The following KCNK10 variants were observed in gnomAD, a reference collection of about 807,000 sequenced individuals.
The protein encoded by KCNK10 is potassium channel subfamily K member 10.
KCNK10 carries 25 observed loss-of-function variants against 47.7 expected under a neutral mutation model. The ratio of observed to expected loss-of-function variants is 0.52; its 90% CI spans 0.38 to 0.73. The LOEUF (loss-of-function observed/expected upper bound fraction) is 0.73. Ranked by LOEUF, KCNK10 falls within the 30% of genes least tolerant of loss-of-function variation. The probability of loss-of-function intolerance (pLI) is 0.00; values close to 1 mark genes in which losing one functional copy is unlikely to be tolerated. For missense variants in KCNK10, 563 were observed against 714.5 expected, an observed-to-expected ratio of 0.79 and a Z score of 2.42; for synonymous variants, 303 against 285.6, an observed-to-expected ratio of 1.06 and a Z score of -0.61.
intron 1 of KCNK10, among the ~76,000 whole-genome samples, chr14:88,317,163 T>C (rs1888444393): frequency 6.6e-6 from 1 of 152,202 alleles, no homozygotes; most frequent in African/African-American, 2.4e-5. Flanking sequence ...TGTGGTGATT[T>C]TGGCACATTT....
intron 3 of KCNK10, among the ~76,000 whole-genome samples, chr14:88,235,992 A>T (rs149099325): frequency 6.6e-6 from 1 of 152,226 alleles, no homozygotes; most frequent in African/African-American, 2.4e-5. Flanking sequence ...ACTGGGAAAC[A>T]GAAGAGCAAC....
At chr14:88,246,264 GAAAAAAAAAAAA>G (rs35102974) in intron 2 of KCNK10, among the ~76,000 whole-genome samples, 1 of 55,338 alleles carries the variant, frequency 1.8e-5, no homozygotes, top group African/African-American at 7.7e-5. Flanking sequence ...CTCCGTCTCA[GAAAAAAAAAAAA>G]AAAAAAAAAA....
At chr14:88,252,586 G>T (rs1260154315) in intron 2 of KCNK10, among the ~76,000 whole-genome samples, 1 of 152,164 alleles carries the variant, frequency 6.6e-6, no homozygotes, top group Admixed American at 6.5e-5. Flanking sequence ...CTCATCTGCA[G>T]AATAGCAGCT....
upstream of KCNK10, among the ~76,000 whole-genome samples, chr14:88,324,636 T>G (rs1214445377): frequency 6.6e-6 from 1 of 152,114 alleles, no homozygotes; most frequent in Non-Finnish European, 1.5e-5. Flanking sequence ...TGCCATAAGG[T>G]CCTGTTAGAT....
rs1255773967 is a variant in KCNK10 at position 88,258,290 on chromosome 14, CTT to C, written c.402+4910_402+4911del. ...GGTGAGTAACTTGCTTATGGTGAGT[CTT>C]TTTTTTTTTTTTTTTCGAGATGGAG... is the stretch of plus-strand genomic sequence containing the variant. On this transcript the variant is annotated intron_variant, in intron 2 of 6. Transcript: ENST00000319231. Among the ~76,000 whole-genome samples the C allele has an allele frequency of 1.4e-4, 19 of 136,230 alleles. 1 individual carries two copies. The highest frequency in any genetic ancestry group is 2.4e-4 in the African/African-American group (9 of 37,180). 89.4% of individuals were successfully genotyped at this position (136,230 alleles called of 152,430 possible). A position where few individuals can be genotyped will look rare whatever the true frequency, so the allele number is the denominator to read the frequency against.
At chr14:88,300,190 C>T (rs1331032294) in intron 1 of KCNK10, among the ~76,000 whole-genome samples, 1 of 152,168 alleles carries the variant, frequency 6.6e-6, no homozygotes, top group Non-Finnish European at 1.5e-5. Flanking sequence ...ACCATCTTAC[C>T]AGTGCTTAAA....
chr14:88,262,443 AC>A (rs1377932970), intron 2 of KCNK10, among the ~76,000 whole-genome samples: 5 of 151,980 alleles, frequency 3.3e-5, no homozygotes, highest in Non-Finnish European at 7.4e-5. Flanking sequence ...AGTCCCTCGC[AC>A]CGCAGCCCCA....
At chr14:88,318,138 T>A (rs945625637) in intron 1 of KCNK10, among the ~76,000 whole-genome samples, 1 of 152,220 alleles carries the variant, frequency 6.6e-6, no homozygotes, top group Admixed American at 6.5e-5. Flanking sequence ...AATATCAGCG[T>A]CCTTTCTGAT....
chr14:88,273,781 C>T (rs73328081), intron 1 of KCNK10, among the ~76,000 whole-genome samples: 6,439 of 152,232 alleles, frequency 0.042, 437 homozygotes, highest in African/African-American at 0.15. Context: ...TTCCAAAATG[C>T]TTCCTGAATA....
intron 2 of KCNK10, among the ~76,000 whole-genome samples, chr14:88,261,523 C>T (rs578075375): frequency 2.0e-4 from 31 of 152,218 alleles, no homozygotes; most frequent in Non-Finnish European, 2.1e-4. Flanking sequence ...GAGGCCAAGG[C>T]GGGTTGATTG....
intron 4 of KCNK10, among the ~76,000 whole-genome samples, chr14:88,211,894 CAAAAAAA>C (rs59401189): frequency 2.6e-5 from 3 of 113,724 alleles, no homozygotes; most frequent in African/African-American, 1.0e-4. Flanking sequence ...GACTTCATCT[CAAAAAAA>C]AAAAAAAAAA....
At chr14:88,217,511 G>A (rs1433401396) in intron 4 of KCNK10, among the ~76,000 whole-genome samples, 1 of 152,114 alleles carries the variant, frequency 6.6e-6, no homozygotes, top group African/African-American at 2.4e-5. Context: ...TTCCAAAACA[G>A]GGATTTTGAT....
intron 3 of KCNK10, among the ~76,000 whole-genome samples, chr14:88,236,190 G>A (rs1023963999): frequency 2.0e-5 from 3 of 152,062 alleles, no homozygotes; most frequent in Non-Finnish European, 2.9e-5. Flanking sequence ...GGTGGTATGC[G>A]CCTGTAGTCC....
At chr14:88,324,389 C>T (rs1170470012), upstream of KCNK10, among the ~76,000 whole-genome samples, 4 of 152,202 alleles carry the variant, frequency 2.6e-5, no homozygotes, top group East Asian at 1.9e-4. Flanking sequence ...GCAACGGAGC[C>T]TTACACGTAG....
chr14:88,194,179 A>ATATCGAC (rs1884837198), intron 4 of KCNK10, among the ~76,000 whole-genome samples: 1 of 152,244 alleles, frequency 6.6e-6, no homozygotes, highest in Admixed American at 6.5e-5. Flanking sequence ...ATATATGAAA[A>ATATCGAC]TATCGACTTT....
intron 1 of KCNK10, among the ~76,000 whole-genome samples, chr14:88,267,005 C>T (rs1887276638): frequency 6.6e-6 from 1 of 152,204 alleles, no homozygotes; most frequent in Non-Finnish European, 1.5e-5. Flanking sequence ...TCCACCCATG[C>T]CTGAGCTTCC....
At chr14:88,199,232 A>T (rs1219017976) in intron 4 of KCNK10, among the ~76,000 whole-genome samples, 1 of 151,992 alleles carries the variant, frequency 6.6e-6, no homozygotes, top group African/African-American at 2.4e-5. Flanking sequence ...TGATTTTTTT[A>T]TTCTAGCAGA....
chr14:88,247,078 A>G (rs17124359), intron 2 of KCNK10, among the ~76,000 whole-genome samples: 5,850 of 152,234 alleles, frequency 0.038, 430 homozygotes, highest in East Asian at 0.27. Context: ...TGCGCAGCAA[A>G]GCTAGCAAAC....
At chr14:88,204,463 C>T (rs953365379) in intron 4 of KCNK10, among the ~76,000 whole-genome samples, 1 of 152,136 alleles carries the variant, frequency 6.6e-6, no homozygotes, top group African/African-American at 2.4e-5. Context: ...TGGCCATGAT[C>T]CAGTTCAAGA....
Sources: gnomAD v4.1 joint callset for allele counts (sites outside exome capture counted in the v4.1 genomes callset) on GRCh38, gnomAD v4.1.1 for gene constraint, MANE v1.5 for transcripts, NCBI Gene and HGNC (gene_info 2026-07-23, HGNC 2026-07-21) for gene names.